The following TTC7B variants were observed in gnomAD, a reference collection of about 807,000 sequenced individuals.
TTC7B encodes tetratricopeptide repeat domain 7B.
In TTC7B, 28 loss-of-function variants were observed where a neutral mutation model predicts 106.8. That is an observed-to-expected ratio of 0.26 (90% CI 0.19 to 0.36). The LOEUF (loss-of-function observed/expected upper bound fraction) is 0.36. TTC7B is among the 10% of genes least tolerant of loss of function. The pLI, the probability that TTC7B is intolerant of heterozygous loss-of-function variation, is 1.00. For missense variants in TTC7B, 862 were observed against 1,076.4 expected, an observed-to-expected ratio of 0.80 and a Z score of 2.79; for synonymous variants, 405 against 430.6, an observed-to-expected ratio of 0.94 and a Z score of 0.74.
At chr14:90,793,738 A>T (rs893007866) in intron 1 of TTC7B, among the ~76,000 whole-genome samples, 23 of 150,634 alleles carry the variant, frequency 1.5e-4, no homozygotes, top group Non-Finnish European at 2.7e-4. Context: ...CCTCCCGAGT[A>T]GCTGGGATTA....
intron 9 of TTC7B, among the ~76,000 whole-genome samples, chr14:90,668,629 C>T (rs972042247): frequency 5.3e-5 from 8 of 152,026 alleles, no homozygotes; most frequent in Non-Finnish European, 8.8e-5. Context: ...CAAGGTAGAT[C>T]TTATTATTAT....
chr14:90,544,401 G>A (rs2139764364), intron 19 of TTC7B, among the ~76,000 whole-genome samples: 1 of 152,336 alleles, frequency 6.6e-6, no homozygotes, highest in South Asian at 2.1e-4. Context: ...CCACTGCAGA[G>A]CCACACCTCA....
intron 3 of TTC7B, among the ~76,000 whole-genome samples, chr14:90,769,452 G>A (rs572990500): frequency 3.9e-5 from 6 of 152,264 alleles, no homozygotes; most frequent in South Asian, 4.1e-4. Flanking sequence ...ACATAAATAC[G>A]TTGAAAGTGA....
chr14:90,712,956 A>G (rs1566850549), intron 5 of TTC7B, among the ~76,000 whole-genome samples: 1 of 152,208 alleles, frequency 6.6e-6, no homozygotes, highest in African/African-American at 2.4e-5. Flanking sequence ...AGACTCCAGA[A>G]ACAAACCTTT....
chr14:90,630,463 T>G (rs1348006007), intron 15 of TTC7B, among the ~76,000 whole-genome samples: 1 of 152,172 alleles, frequency 6.6e-6, no homozygotes, highest in Non-Finnish European at 1.5e-5. Context: ...CTCAGAAAGT[T>G]TCGTTTCTTT....
chr14:90,673,155 G>C (rs760130705), intron 9 of TTC7B, among the ~76,000 whole-genome samples: 12 of 152,132 alleles, frequency 7.9e-5, no homozygotes, highest in Non-Finnish European at 1.6e-4. Flanking sequence ...AAGAGAGATA[G>C]GGAATATCCA....
At position 90,662,213 on chromosome 14, in the gene TTC7B, C is replaced by A. The variant is rs75860706; in HGVS notation, c.1153-3826G>T. 0.01 allele frequency among the ~76,000 whole-genome samples: 1,559 copies of A among 152,374 alleles called. 55 individuals are homozygous for A. The East Asian group carries it at 0.1, about 10-fold the overall frequency. On this transcript the variant is annotated intron_variant, in intron 9 of 19. Coordinates refer to ENST00000328459, the MANE Select transcript of TTC7B (RefSeq NM_001010854.2). ...CGCGTGGCACGCAGACAGCCAATCACAGGCTCCTGCCAGCCTCTGAATCTG... is the reference window on the plus strand; with the variant it reads ...CGCGTGGCACGCAGACAGCCAATCAAAGGCTCCTGCCAGCCTCTGAATCTG...
At chr14:90,767,028 C>CAAAAAAAAAA in intron 3 of TTC7B, 1 of 524,832 alleles carries the variant, frequency 1.9e-6, no homozygotes, top group South Asian at 2.8e-5. Context: ...GTTTATATAC[C>CAAAAAAAAAA]AAAAAAAAAA....
At chr14:90,794,094 G>T (rs887152305) in intron 1 of TTC7B, among the ~76,000 whole-genome samples, 5 of 151,678 alleles carry the variant, frequency 3.3e-5, no homozygotes, top group African/African-American at 1.2e-4. Context: ...GTAGAGACAG[G>T]GTTTCACCAT....
intron 11 of TTC7B, among the ~76,000 whole-genome samples, chr14:90,656,900 A>G (rs1392588426): frequency 6.6e-6 from 1 of 152,212 alleles, no homozygotes; most frequent in Non-Finnish European, 1.5e-5. Flanking sequence ...TGGGAGTATG[A>G]ATTATAATTC....
chr14:90,738,862 C>G (rs1053134760), intron 4 of TTC7B, among the ~76,000 whole-genome samples: 11 of 151,860 alleles, frequency 7.2e-5, no homozygotes, highest in South Asian at 4.2e-4. Context: ...CTTGTTTCTA[C>G]AAAAATAAAA....
At chr14:90,551,055 AT>A (rs1194162782) in intron 19 of TTC7B, among the ~76,000 whole-genome samples, 1 of 152,144 alleles carries the variant, frequency 6.6e-6, no homozygotes, top group African/African-American at 2.4e-5. Flanking sequence ...CCCTCAGGCT[AT>A]TTGCTCGTAC....
intron 7 of TTC7B, among the ~76,000 whole-genome samples, chr14:90,683,689 C>T (rs538551490): frequency 6.6e-6 from 1 of 152,078 alleles, no homozygotes; most frequent in South Asian, 2.1e-4. Flanking sequence ...CACTGGGCTA[C>T]ACTCTGCTGA....
intron 15 of TTC7B, among the ~76,000 whole-genome samples, chr14:90,625,617 G>T (rs1884405834): frequency 6.6e-6 from 1 of 152,218 alleles, no homozygotes; most frequent in Admixed American, 6.5e-5. Flanking sequence ...TGGGATGACA[G>T]CTGTGCACGT....
intron 2 of TTC7B, among the ~76,000 whole-genome samples, chr14:90,781,687 G>A (rs574633453): frequency 3.3e-5 from 5 of 152,298 alleles, no homozygotes; most frequent in African/African-American, 1.2e-4. Context: ...AAATGGATGT[G>A]AAGATCAGGA....
intron 1 of TTC7B, among the ~76,000 whole-genome samples, chr14:90,794,423 T>C (rs1891704019): frequency 6.6e-6 from 1 of 151,732 alleles, no homozygotes; most frequent in African/African-American, 2.4e-5. Flanking sequence ...AGATGGCGTT[T>C]CACCATGTTG....
intron 1 of TTC7B, among the ~76,000 whole-genome samples, chr14:90,789,252 C>A (rs996803568): frequency 6.6e-6 from 1 of 152,090 alleles, no homozygotes; most frequent in Non-Finnish European, 1.5e-5. Flanking sequence ...GCACCCACCA[C>A]CATGCCCAGC....
At chr14:90,660,374 C>G (rs1358849143) in intron 9 of TTC7B, among the ~76,000 whole-genome samples, 1 of 93,108 alleles carries the variant, frequency 1.1e-5, no homozygotes, top group Non-Finnish European at 1.9e-5. Context: ...GCCTGGGCAA[C>G]AGAGCAAGAC....
intron 6 of TTC7B, among the ~76,000 whole-genome samples, chr14:90,693,313 A>G (rs1408640737): frequency 2.0e-5 from 3 of 152,182 alleles, no homozygotes; most frequent in African/African-American, 7.2e-5. Flanking sequence ...TAGGAAAGTG[A>G]AAGGATTAAA....
Sources: gnomAD v4.1 joint callset for allele counts (sites outside exome capture counted in the v4.1 genomes callset) on GRCh38, gnomAD v4.1.1 for gene constraint, MANE v1.5 for transcripts, NCBI Gene and HGNC (gene_info 2026-07-23, HGNC 2026-07-21) for gene names.